Variants in GPC5 observed in about 807,000 individuals in gnomAD.
GPC5 encodes the protein glypican-5.
Under a neutral mutation model 53.9 loss-of-function variants are expected in GPC5, and 47 were observed. The ratio of observed to expected loss-of-function variants is 0.87; its 90% confidence interval spans 0.69 to 1.11. GPC5 has a LOEUF of 1.11. GPC5 is among the 50% of genes most tolerant of loss of function. The pLI, the probability that GPC5 is intolerant of heterozygous loss-of-function variation, is 0.00. For missense variants in GPC5, 748 were observed against 713.1 expected (o/e 1.05, Z -0.56); for synonymous variants, 286 against 263.3 (o/e 1.09, Z -0.84).
intron 2 of GPC5, among the ~76,000 whole-genome samples, chr13:91,635,533 T>C (rs576139760): frequency 6.6e-6 from 1 of 152,250 alleles, no homozygotes; most frequent in African/African-American, 2.4e-5. Context: ...TTTTCCTTTA[T>C]GCTATCTGGT....
intron 2 of GPC5, chr13:91,486,619 A>T (rs1566441972): frequency 6.6e-6 from 1 of 152,208 alleles, no homozygotes; most frequent in Non-Finnish European, 1.5e-5. Context: ...GTATCTTTGG[A>T]GCCAAGACAA....
At chr13:91,691,670 G>A (rs1376864272) in intron 2 of GPC5, among the ~76,000 whole-genome samples, 1 of 152,156 alleles carries the variant, frequency 6.6e-6, no homozygotes, top group African/African-American at 2.4e-5. Context: ...AATTAGATCA[G>A]TATCAGAATT....
At chr13:91,822,339 A>G (rs2038508890) in intron 5 of GPC5, among the ~76,000 whole-genome samples, 1 of 152,190 alleles carries the variant, frequency 6.6e-6, no homozygotes, top group South Asian at 2.1e-4. Context: ...GAAGAGTGGC[A>G]GGATGGACTT....
intron 7 of GPC5, among the ~76,000 whole-genome samples, chr13:92,352,332 G>A (rs992323872): frequency 2.0e-5 from 3 of 152,088 alleles, no homozygotes; most frequent in Non-Finnish European, 4.4e-5. Flanking sequence ...CAAGTAATAC[G>A]TGTTATTCAT....
At chr13:91,629,600 G>A (rs114095439) in intron 2 of GPC5, among the ~76,000 whole-genome samples, 3,520 of 152,112 alleles carry the variant, frequency 0.023, 140 homozygotes, top group African/African-American at 0.079. Flanking sequence ...CAGAGATCAC[G>A]CTATTACACT....
intron 2 of GPC5, among the ~76,000 whole-genome samples, chr13:91,538,918 T>A (rs1886722523): frequency 1.3e-5 from 2 of 151,006 alleles, no homozygotes; most frequent in African/African-American, 4.9e-5. Flanking sequence ...TCCTGTAGAG[T>A]TGTAATTTAT....
intron 5 of GPC5, among the ~76,000 whole-genome samples, chr13:91,896,123 T>A (rs1176287768): frequency 6.7e-6 from 1 of 149,506 alleles, no homozygotes; most frequent in Non-Finnish European, 1.5e-5. Flanking sequence ...TCTAATTTTT[T>A]TTTTTTTTTT....
In GPC5 at chr13:91,873,573, G is replaced by A. The variant is rs369263719; in HGVS notation, c.1281-34364G>A. 2.7e-3 allele frequency among the ~76,000 whole-genome samples: 411 copies of A among 152,280 alleles called. 3 individuals are homozygous for A. The highest frequency in any genetic ancestry group is 9.4e-3 in the African/African-American group (390 of 41,552). On this transcript the variant is annotated intron_variant, in intron 5 of 7. Coordinates refer to ENST00000377067, the MANE Select transcript of GPC5 (RefSeq NM_004466.6). ...AGCTCTCTTGTCGGCCGCCATGTGA[G>A]ACATGGCTTTCACCTTCCCCCATGA... is the stretch of plus-strand genomic sequence containing the variant.
chr13:92,287,038 C>A (rs2042960746), intron 7 of GPC5, among the ~76,000 whole-genome samples: 1 of 152,122 alleles, frequency 6.6e-6, no homozygotes. Flanking sequence ...CTTGTAGCCT[C>A]CAGATCTACA....
At chr13:92,646,018 T>TAATTTTC in intron 7 of GPC5, among the ~76,000 whole-genome samples, 1 of 151,980 alleles carries the variant, frequency 6.6e-6, no homozygotes, top group South Asian at 2.1e-4. Context: ...CCAGAGTTCT[T>TAATTTTC]AATTTTCATA....
At chr13:92,618,820 A>G (rs1448314368) in intron 7 of GPC5, among the ~76,000 whole-genome samples, 2 of 151,916 alleles carry the variant, frequency 1.3e-5, no homozygotes, top group Non-Finnish European at 2.9e-5. Context: ...GGCAATGTGT[A>G]TGTCCCTATA....
At chr13:91,564,836 C>A (rs1231126481) in intron 2 of GPC5, among the ~76,000 whole-genome samples, 1 of 151,846 alleles carries the variant, frequency 6.6e-6, no homozygotes, top group South Asian at 2.1e-4. Context: ...CAATATGTCG[C>A]CTTCAAATTA....
At chr13:92,435,338 A>C (rs973084219) in intron 7 of GPC5, among the ~76,000 whole-genome samples, 3 of 152,234 alleles carry the variant, frequency 2.0e-5, no homozygotes, top group Non-Finnish European at 4.4e-5. Flanking sequence ...TTTAAATATA[A>C]AAATAAATGT....
At position 91,402,012 on chromosome 13, in the gene GPC5, T is replaced by G. The variant is rs532422873; in HGVS notation, c.163+2803T>G. 2.0e-5 allele frequency among the ~76,000 whole-genome samples: 3 copies of G among 152,332 alleles called. No homozygotes were observed. In the South Asian group the frequency reaches 6.2e-4, roughly 32 times the overall value. Reference sequence around the variant, plus strand: ...AAAGAACTGTTACTGAAAGTGTCTTTTAAAGGTCTTTTCATTTTTATTTTA... The same window carrying G: ...AAAGAACTGTTACTGAAAGTGTCTTGTAAAGGTCTTTTCATTTTTATTTTA... On this transcript the variant is annotated intron_variant, in intron 1 of 7. Transcript: ENST00000377067.
At chr13:92,249,796 C>A (rs1416770564) in intron 7 of GPC5, among the ~76,000 whole-genome samples, 1 of 151,930 alleles carries the variant, frequency 6.6e-6, no homozygotes, top group Admixed American at 6.6e-5. Context: ...CTTATTCCAC[C>A]TGAAAAAATT....
intron 7 of GPC5, among the ~76,000 whole-genome samples, chr13:92,232,282 TG>T (rs1473445365): frequency 6.7e-6 from 1 of 149,776 alleles, no homozygotes; most frequent in Non-Finnish European, 1.5e-5. Flanking sequence ...CGTGGTGGGG[TG>T]GGGGTGTGGG....
intron 7 of GPC5, among the ~76,000 whole-genome samples, chr13:92,443,061 C>A (rs1161104158): frequency 5.9e-5 from 9 of 152,162 alleles, no homozygotes; most frequent in Non-Finnish European, 1.3e-4. Flanking sequence ...GCACAAGAAG[C>A]ATGGCACCAG....
chr13:91,904,161 T>TA (rs2039529631), intron 5 of GPC5, among the ~76,000 whole-genome samples: 1 of 148,390 alleles, frequency 6.7e-6, no homozygotes, highest in African/African-American at 2.5e-5. Flanking sequence ...TTTTTTTTTT[T>TA]AAGGCAGGTC....
At chr13:91,954,500 C>A (rs1276315275) in intron 6 of GPC5, among the ~76,000 whole-genome samples, 1 of 152,020 alleles carries the variant, frequency 6.6e-6, no homozygotes, top group Non-Finnish European at 1.5e-5. Flanking sequence ...AATGTATATG[C>A]ATAAGCAACT....
Sources: allele counts gnomAD v4.1 joint callset (sites outside exome capture counted in the v4.1 genomes callset), GRCh38; gene constraint gnomAD v4.1.1; transcripts MANE v1.5; gene names NCBI Gene and HGNC (gene_info 2026-07-23, HGNC 2026-07-21).